Variants in OTOF observed in about 807,000 individuals in gnomAD.
OTOF encodes the protein otoferlin.
A neutral mutation model predicts 236.8 loss-of-function variants in OTOF; 218 were observed. That is an observed-to-expected ratio of 0.92 (90% CI 0.82 to 1.03). The LOEUF is 1.03. OTOF is among the 50% of genes least tolerant of loss of function. OTOF has a pLI of 0.00. For missense variants in OTOF, 2,590 were observed against 2,694.4 expected (o/e 0.96, Z 0.86); for synonymous variants, 1,041 against 1,072.5 (o/e 0.97, Z 0.57).
chr2:26,558,440 G>A, intron 1 of OTOF, 53 bp downstream of exon 1: 1 of 1,510,190 alleles, frequency 6.6e-7, no homozygotes, highest in Non-Finnish European at 9.2e-7. Context: ...TCCAGAGCAT[G>A]GGCTGGTCCA....
rs750598158 is a variant in OTOF, at chr2:26,470,055, C to T, written c.4023+538G>A. Among the ~76,000 whole-genome samples the T allele has an allele frequency of 2.6e-5, 4 of 152,268 alleles. No homozygotes were observed. The East Asian group carries it at 5.8e-4, about 22-fold the overall frequency. ...AATAGGGGAAGAATCATTCACGTGC[C>T]GATGACCAAGATGTGTAAAATAAAA... is the stretch of plus-strand genomic sequence containing the variant. On this transcript the variant is annotated intron_variant, in intron 32 of 46. Transcript: ENST00000272371. This position sits in a 1 kb window ranked among gnomAD's most constrained non-coding sequence, Gnocchi z 4.3.
At chr2:26,503,988 C>G (rs1666185299) in intron 5 of OTOF, 143 bp from the exon 6 acceptor site, 7 of 733,294 alleles carry the variant, frequency 9.5e-6, no homozygotes. Flanking sequence ...CGAGACAGAT[C>G]GGGATCTGTC....
chr2:26,503,644 C>A (rs1666174877), intron 6 of OTOF, 128 bp downstream of exon 6: 4 of 814,570 alleles, frequency 4.9e-6, no homozygotes, highest in Admixed American at 1.9e-5. Context: ...CCACGCATCA[C>A]TGGGTGGGGC....
intron 3 of OTOF, among the ~76,000 whole-genome samples, chr2:26,519,526 A>G (rs1666623903): frequency 6.6e-6 from 1 of 152,202 alleles, no homozygotes; most frequent in South Asian, 2.1e-4. Flanking sequence ...CAAGGTTTCC[A>G]GCCCACACCA....
intron 31 of OTOF, 30 bp downstream of exon 31, chr2:26,471,091 C>A (rs746249292): frequency 6.2e-7 from 1 of 1,613,604 alleles, no homozygotes; most frequent in South Asian, 1.1e-5. Flanking sequence ...CCCTCTCACC[C>A]CAGAGCCCCT....
In OTOF at chr2:26,460,864, C is replaced by A. The variant is rs143325189; in HGVS notation, c.5700G>T (p.Glu1900Asp). ...AAGGGGTGCGCACCGTGAGCTCAAACTCATCGTTCTCATTGCGGGCCAGGA... is the reference window on the plus strand; with the variant it reads ...AAGGGGTGCGCACCGTGAGCTCAAAATCATCGTTCTCATTGCGGGCCAGGA... ...WPLLARNEND[E>D]FELTGKVEAE... is the part of the protein sequence containing the mutation. Residue 1900 changes from glutamate to aspartate, a missense_variant, in exon 44 of 47, where the codon GAG becomes GAT. Coordinates refer to ENST00000272371, the MANE Select transcript of OTOF (RefSeq NM_194248.3). The surrounding 1 kb of genome is among the most constrained non-coding windows in gnomAD (Gnocchi z 5.3). The A allele has an allele frequency of 1.2e-6, 2 of 1,614,090 alleles. No homozygotes were observed. The highest frequency in any genetic ancestry group is 2.7e-5 in the African/African-American group (2 of 75,024).
Position 26,473,463 on chromosome 2 carries a change from C to T in OTOF, c.3513G>A (p.Leu1171=), listed in dbSNP as rs1665097673. The change falls in exon 28 of 47, where the codon CTG becomes CTA. Residue 1171 remains leucine, a synonymous_variant. Transcript: ENST00000272371. The surrounding 1 kb of genome is among the most constrained non-coding windows in gnomAD (Gnocchi z 7.2). ...ECAGKGVQSS[L]IHNYKKNPNF... Reference sequence around the variant, plus strand: ...TGGGGTTCTTCTTATAATTGTGGATCAGGGACGACTGCACCCCCTTCCCTG... The same window carrying T: ...TGGGGTTCTTCTTATAATTGTGGATTAGGGACGACTGCACCCCCTTCCCTG... 1.9e-6 allele frequency: 3 copies of T among 1,613,216 alleles called. No individual in the cohort carries two copies. The highest frequency in any genetic ancestry group is 3.3e-5 in the Admixed American group (2 of 59,984).
At chr2:26,538,355 T>A (rs1667127362) in intron 1 of OTOF, among the ~76,000 whole-genome samples, 1 of 152,222 alleles carries the variant, frequency 6.6e-6, no homozygotes, top group African/African-American at 2.4e-5. Flanking sequence ...TTGTCCGTCT[T>A]CCTGTCAGCC....
At chr2:26,472,364 G>T in intron 30 of OTOF, 155 bp downstream of exon 30, 1 of 907,334 alleles carries the variant, frequency 1.1e-6, no homozygotes, top group Non-Finnish European at 1.8e-6. Flanking sequence ...GGAGGGAGCT[G>T]TTTGGACACA....
intron 3 of OTOF, among the ~76,000 whole-genome samples, chr2:26,521,979 G>C (rs866423396): frequency 6.6e-6 from 1 of 152,152 alleles, no homozygotes; most frequent in Non-Finnish European, 1.5e-5. Flanking sequence ...CATCTGGAGA[G>C]CCTACACAGG....
At position 26,501,817 on chromosome 2, in the gene OTOF, G is replaced by C. The variant is rs754022528; in HGVS notation, c.711-9C>G. ...TAATGTCTGGCTTAGATCTGAGGAA[G>C]AGAATGTACCATCAGGCCTGGGGTA... On this transcript the variant is annotated splice_polypyrimidine_tract_variant and intron_variant, in intron 7 of 46. Coordinates refer to ENST00000272371, the MANE Select transcript of OTOF (RefSeq NM_194248.3). 2.0e-5 allele frequency: 33 copies of C among 1,611,110 alleles called. No individual in the cohort carries two copies. The highest frequency in any genetic ancestry group is 2.8e-5 in the Non-Finnish European group (33 of 1,177,350).
intron 2 of OTOF, among the ~76,000 whole-genome samples, chr2:26,536,511 G>A (rs1054418280): frequency 6.6e-6 from 1 of 152,186 alleles, no homozygotes; most frequent in Non-Finnish European, 1.5e-5. Flanking sequence ...GCCTAAGCCT[G>A]AGTGAGGAGC....
chr2:26,509,090 G>C (rs1052129452), intron 5 of OTOF, among the ~76,000 whole-genome samples: 1 of 152,218 alleles, frequency 6.6e-6, no homozygotes, highest in African/African-American at 2.4e-5. Context: ...GATCAGGCCA[G>C]TCTGTGTCCC....
intron 46 of OTOF, among the ~76,000 whole-genome samples, chr2:26,459,669 G>A (rs530009800): frequency 3.3e-5 from 5 of 152,206 alleles, no homozygotes; most frequent in South Asian, 4.1e-4. Context: ...CTTGAGTCCC[G>A]GCTCTACCCT....
intron 3 of OTOF, among the ~76,000 whole-genome samples, chr2:26,526,577 G>A (rs1375163455): frequency 6.6e-6 from 1 of 152,202 alleles, no homozygotes; most frequent in Non-Finnish European, 1.5e-5. Flanking sequence ...TCATCCATTT[G>A]TTATAAGGTA....
intron 9 of OTOF, among the ~76,000 whole-genome samples, chr2:26,492,468 T>C (rs1665872146): frequency 6.6e-6 from 1 of 152,214 alleles, no homozygotes; most frequent in Non-Finnish European, 1.5e-5. Context: ...GCAGAATGAA[T>C]AGTCAGTCTT....
intron 38 of OTOF, 151 bp from the exon 39 acceptor site, chr2:26,465,180 AGACACTAGGGCTGCTGGAGGCT>A: frequency 1.5e-6 from 1 of 647,714 alleles, no homozygotes; most frequent in Non-Finnish European, 2.5e-6. Flanking sequence ...GGCTCACCTG[AGACACTAGGGCTGCTGGAGGCT>A]GAACCTTCCT....
intron 9 of OTOF, among the ~76,000 whole-genome samples, chr2:26,494,656 T>TGGGGGGGGGGGGGG (rs143905954): frequency 8.4e-6 from 1 of 118,440 alleles, no homozygotes; most frequent in African/African-American, 3.1e-5. Context: ...GGGAGTGGGG[T>TGGGGGGGGGGGGGG]GGGGGGGGGT....
rs1166504509 is a variant in OTOF, at chr2:26,470,712, C to T, written c.3904G>A (p.Glu1302Lys). 9.3e-6 allele frequency: 15 copies of T among 1,613,374 alleles called. No homozygotes were observed. The highest frequency in any genetic ancestry group is 1.1e-5 in the Non-Finnish European group (13 of 1,179,912). Residue 1302 changes from glutamate (E) to lysine (K), a missense_variant, in exon 32 of 47, where the codon GAG becomes AAG. Coordinates refer to ENST00000272371, the MANE Select transcript of OTOF (RefSeq NM_194248.3). The surrounding 1 kb of genome is among the most constrained non-coding windows in gnomAD (Gnocchi z 4.3). ...AVVKVDVAEE[E>K]KEKKKKKKGT... ...TTCTTCTTCTTCTTCTTCTCCTTCT[C>T]CTCCTCAGCCTGCAGGTTGGCCAGG...
Sources: gnomAD v4.1 joint callset for allele counts (sites outside exome capture counted in the v4.1 genomes callset) on GRCh38, gnomAD v4.1.1 for gene constraint, Gnocchi (gnomAD v3.1) non-coding constraint, MANE v1.5 for transcripts, NCBI Gene and HGNC (gene_info 2026-07-23, HGNC 2026-07-21) for gene names.